The following GATB variants were observed in gnomAD, a reference collection of about 807,000 sequenced individuals.
GATB encodes the protein glutamyl-tRNA(Gln) amidotransferase subunit B, mitochondrial.
A neutral mutation model predicts 62.3 loss-of-function variants in GATB; 39 were observed. The ratio of observed to expected loss-of-function variants is 0.63; its 90% CI spans 0.48 to 0.82. GATB has a LOEUF of 0.82. GATB is among the 40% of genes least tolerant of loss of function. GATB has a pLI of 0.00. For missense variants in GATB, 670 were observed against 684.0 expected (o/e 0.98, Z 0.23); for synonymous variants, 276 against 258.9 (o/e 1.07, Z -0.63).
chr4:151,701,158 T>C (rs1301570694), intron 9 of GATB, among the ~76,000 whole-genome samples, 171 bp downstream of exon 9: 1 of 152,028 alleles, frequency 6.6e-6, no homozygotes, highest in African/African-American at 2.4e-5. Context: ...CCATAAAGGG[T>C]AGTGAGCAAA....
At chr4:151,736,940 T>G (rs1391846201) in intron 2 of GATB, among the ~76,000 whole-genome samples, 1 of 152,254 alleles carries the variant, frequency 6.6e-6, no homozygotes, top group Admixed American at 6.5e-5. Context: ...GGTGGAACTG[T>G]AAGTCCAATA....
chr4:151,728,240 A>G (rs923376124), intron 2 of GATB, among the ~76,000 whole-genome samples: 1 of 152,294 alleles, frequency 6.6e-6, no homozygotes, highest in East Asian at 1.9e-4. Flanking sequence ...GAAGTTACAA[A>G]CCAGTTAACT....
At chr4:151,679,214 G>C (rs1488458127) in intron 11 of GATB, among the ~76,000 whole-genome samples, 3 of 152,172 alleles carry the variant, frequency 2.0e-5, no homozygotes, top group Non-Finnish European at 2.9e-5. Flanking sequence ...GTATTTGTAA[G>C]AATCTTCTGA....
chr4:151,686,704 G>A (rs1361492929), intron 10 of GATB, among the ~76,000 whole-genome samples: 4 of 127,828 alleles, frequency 3.1e-5, no homozygotes, highest in South Asian at 2.4e-4. Context: ...CTGTGCCATC[G>A]CGCCTGCATT....
At position 151,722,374 on chromosome 4, in the gene GATB, C is replaced by A. The variant is rs1442277338; in HGVS notation, c.328-2836G>T. 6.8e-6 allele frequency: 4 copies of A among 583,948 alleles called. No individual in the cohort carries two copies. The African/African-American group carries it at 7.6e-5, about 11-fold the overall frequency. 36.2% of individuals were successfully genotyped at this position (583,948 alleles called of 1,614,324 possible). A position where few individuals can be genotyped will look rare whatever the true frequency, so the allele number is the denominator to read the frequency against. ...AGTTTGTCTTTCATACTAGGGTGATCCTGCTAAAATTGTGGATCTGTGGCA... is the reference window on the plus strand; with the variant it reads ...AGTTTGTCTTTCATACTAGGGTGATACTGCTAAAATTGTGGATCTGTGGCA... On this transcript the variant is annotated intron_variant, in intron 2 of 12. Transcript: ENST00000263985.
chr4:151,759,587 C>CTTTTT (rs1228546946), intron 1 of GATB, among the ~76,000 whole-genome samples: 1 of 152,092 alleles, frequency 6.6e-6, no homozygotes, highest in Non-Finnish European at 1.5e-5. Context: ...TTCCTGAGAC[C>CTTTTT]TAATTTCAGG....
intron 2 of GATB, among the ~76,000 whole-genome samples, chr4:151,754,553 A>G (rs1433662674): frequency 6.6e-6 from 1 of 152,246 alleles, no homozygotes; most frequent in Non-Finnish European, 1.5e-5. Context: ...CATCCAATAT[A>G]TGCCAGCTGA....
At chr4:151,711,011 C>T (rs1026549178) in intron 5 of GATB, among the ~76,000 whole-genome samples, 6 of 152,156 alleles carry the variant, frequency 3.9e-5, no homozygotes, top group South Asian at 4.1e-4. Context: ...CTTCCAATTT[C>T]GGTAAACAGC....
intron 2 of GATB, among the ~76,000 whole-genome samples, chr4:151,751,986 G>A (rs1033195384): frequency 8.5e-5 from 13 of 152,262 alleles, no homozygotes; most frequent in African/African-American, 2.9e-4. Flanking sequence ...CAGGTTCCTG[G>A]GGTAATGAAA....
At chr4:151,671,554 A>G (rs1173885190) in intron 12 of GATB, among the ~76,000 whole-genome samples, 2 of 152,192 alleles carry the variant, frequency 1.3e-5, no homozygotes, top group Non-Finnish European at 2.9e-5. Context: ...AAGCCAGAGA[A>G]GCTGGCACGT....
intron 5 of GATB, among the ~76,000 whole-genome samples, chr4:151,709,649 AC>A (rs1473546017): frequency 7.9e-5 from 12 of 151,928 alleles, no homozygotes; most frequent in African/African-American, 2.4e-4. Flanking sequence ...CATGGCTACC[AC>A]CCTTGCCCAA....
intron 9 of GATB, among the ~76,000 whole-genome samples, chr4:151,694,909 T>C (rs540784736): frequency 6.6e-6 from 1 of 152,358 alleles, no homozygotes; most frequent in East Asian, 1.9e-4. Context: ...ATCTTTTCTG[T>C]TTCTTTGTCC....
At chr4:151,740,942 T>C (rs557797202) in intron 2 of GATB, among the ~76,000 whole-genome samples, 2 of 152,294 alleles carry the variant, frequency 1.3e-5, no homozygotes, top group African/African-American at 2.4e-5. Flanking sequence ...TACATATTTA[T>C]ATCACCAAAA....
At position 151,760,830 on chromosome 4, in the gene GATB, G is replaced by GT; in HGVS notation, c.152dup (p.His51GlnfsTer10). 5 of 1,611,076 alleles carry GT rather than the reference G, an allele frequency of 3.1e-6. No homozygotes were observed. Among genetic ancestry groups the GT allele is most frequent in the Non-Finnish European group, 4.2e-6 (5 of 1,178,530 alleles). On this transcript the variant is annotated frameshift_variant, in exon 1 of 13. Coordinates refer to ENST00000263985, the MANE Select transcript of GATB (RefSeq NM_004564.3). LOFTEE classifies it high-confidence loss of function. The stretch of plus-strand genomic sequence containing the variant: ...ACCCTTTCCTCGTCTTCTGGGCCGT[G>GT]TGGAGGGGCTGCTGAGCCACTGAGC...
Position 151,760,065 on chromosome 4 carries a change from C to T in GATB, c.176+742G>A, listed in dbSNP as rs576067893. On this transcript the variant is annotated intron_variant, in intron 1 of 12. Transcript: ENST00000263985. ...TCTAATTCACGAAAAGAATACAAAACTGAATACTTCTTTCTGGACAATTTC... is the reference window on the plus strand; with the variant it reads ...TCTAATTCACGAAAAGAATACAAAATTGAATACTTCTTTCTGGACAATTTC... 4.8e-4 allele frequency among the ~76,000 whole-genome samples: 73 copies of T among 152,286 alleles called. 1 individual carries two copies. Among genetic ancestry groups the T allele is most frequent in the African/African-American group, 1.7e-3 (71 of 41,566 alleles).
At chr4:151,683,497 C>T (rs1738184655) in intron 10 of GATB, among the ~76,000 whole-genome samples, 1 of 152,174 alleles carries the variant, frequency 6.6e-6, no homozygotes, top group African/African-American at 2.4e-5. Flanking sequence ...GGTCCTCTGA[C>T]TTGACCCCTA....
chr4:151,692,953 C>T (rs1314318921), intron 9 of GATB, among the ~76,000 whole-genome samples: 1 of 152,190 alleles, frequency 6.6e-6, no homozygotes, highest in Non-Finnish European at 1.5e-5. Context: ...CTGGACAAGG[C>T]TCTCCCACGT....
At position 151,701,771 on chromosome 4, in the gene GATB, TG is replaced by T. The variant is rs35041647; in HGVS notation, c.1008-254del. On this transcript the variant is annotated intron_variant, in intron 8 of 12. Coordinates refer to ENST00000263985, the MANE Select transcript of GATB (RefSeq NM_004564.3). Reference sequence around the variant, plus strand: ...GCACAACACAGGCTTGAAGTCACACTGGGATTTGTAACTGTGGATCATTCAT... The same window carrying T: ...GCACAACACAGGCTTGAAGTCACACTGGATTTGTAACTGTGGATCATTCAT... Among the ~76,000 whole-genome samples, 3 of 152,164 alleles carry T rather than the reference TG, an allele frequency of 2.0e-5. No homozygotes were observed. The East Asian group carries it at 5.8e-4, about 29-fold the overall frequency.
chr4:151,744,759 C>A (rs1299536460), intron 2 of GATB, among the ~76,000 whole-genome samples: 1 of 152,132 alleles, frequency 6.6e-6, no homozygotes, highest in Non-Finnish European at 1.5e-5. Context: ...GGGAAGGAGT[C>A]AAATGCTTCC....
Sources: allele counts gnomAD v4.1 joint callset (sites outside exome capture counted in the v4.1 genomes callset), GRCh38; gene constraint gnomAD v4.1.1; transcripts MANE v1.5; gene names NCBI Gene and HGNC (gene_info 2026-07-23, HGNC 2026-07-21).